The following ZNF827 variants were observed in gnomAD, a reference collection of about 807,000 sequenced individuals.
ZNF827 encodes the protein zinc finger protein 827.
ZNF827 carries 13 observed loss-of-function variants against 102.4 expected under a neutral mutation model. The ratio of observed to expected loss-of-function variants is 0.13; its 90% confidence interval spans 0.08 to 0.20. The LOEUF (loss-of-function observed/expected upper bound fraction) is 0.20, where lower values mean the gene tolerates loss of function less well. Ranked by LOEUF, ZNF827 falls within the 10% of genes least tolerant of loss-of-function variation. ZNF827 has a pLI of 1.00. For missense variants in ZNF827, 1,103 were observed against 1,344.4 expected (o/e 0.82, Z 2.81); for synonymous variants, 523 against 536.2 (o/e 0.98, Z 0.34).
intron 8 of ZNF827, among the ~76,000 whole-genome samples, chr4:145,790,313 C>G (rs1001114281): frequency 2.0e-5 from 3 of 152,016 alleles, no homozygotes; most frequent in African/African-American, 7.2e-5. Flanking sequence ...TATATTAATA[C>G]TTACTGAATA....
At chr4:145,932,076 C>T (rs912712916) in intron 1 of ZNF827, among the ~76,000 whole-genome samples, 9 of 152,160 alleles carry the variant, frequency 5.9e-5, no homozygotes, top group African/African-American at 1.9e-4. Flanking sequence ...TATAAAGACA[C>T]AGCAAAAAGG....
chr4:145,876,074 G>A (rs1193121970), intron 4 of ZNF827, among the ~76,000 whole-genome samples: 1 of 152,200 alleles, frequency 6.6e-6, no homozygotes, highest in East Asian at 1.9e-4. Flanking sequence ...TAGGAGAGCT[G>A]CAGTTGTAGT....
intron 1 of ZNF827, among the ~76,000 whole-genome samples, chr4:145,936,873 G>C (rs1228395407): frequency 1.3e-5 from 2 of 152,026 alleles, no homozygotes; most frequent in Non-Finnish European, 2.9e-5. Context: ...TTGCAGGATC[G>C]GGCTCCGAGC....
intron 1 of ZNF827, among the ~76,000 whole-genome samples, chr4:145,922,097 C>T (rs1473704949): frequency 2.0e-5 from 3 of 152,154 alleles, no homozygotes; most frequent in Non-Finnish European, 2.9e-5. Context: ...GTTTAGGATT[C>T]CCCATCTTCA....
At chr4:145,899,245 G>A (rs1055032590) in intron 2 of ZNF827, among the ~76,000 whole-genome samples, 16 of 151,876 alleles carry the variant, frequency 1.1e-4, no homozygotes, top group Non-Finnish European at 1.9e-4. Context: ...ATAAATCGAA[G>A]GTACATCCCA....
At chr4:145,934,945 A>G (rs1324476178) in intron 1 of ZNF827, among the ~76,000 whole-genome samples, 1 of 152,228 alleles carries the variant, frequency 6.6e-6, no homozygotes, top group East Asian at 1.9e-4. Context: ...CACAGGTTCT[A>G]CAGATTCTTA....
At chr4:145,800,818 T>G (rs1232487382) in intron 8 of ZNF827, among the ~76,000 whole-genome samples, 1 of 152,188 alleles carries the variant, frequency 6.6e-6, no homozygotes, top group Non-Finnish European at 1.5e-5. Flanking sequence ...CACTGCCAAA[T>G]GTCCCCTTGG....
At chr4:145,851,462 G>C (rs1746526562) in intron 5 of ZNF827, among the ~76,000 whole-genome samples, 1 of 152,104 alleles carries the variant, frequency 6.6e-6, no homozygotes, top group African/African-American at 2.4e-5. Flanking sequence ...TGGAAAGCAT[G>C]ACATGGGTGA....
intron 8 of ZNF827, among the ~76,000 whole-genome samples, chr4:145,810,461 G>GA (rs1358302703): frequency 4.0e-5 from 6 of 151,714 alleles, no homozygotes; most frequent in Non-Finnish European, 8.8e-5. Flanking sequence ...GTAAATTGAT[G>GA]AAAAAAATAG....
At position 145,823,527 on chromosome 4, in the gene ZNF827, TGGGGTG is replaced by T; in HGVS notation, c.2280-8_2280-3del. On this transcript the variant is annotated splice_region_variant and splice_polypyrimidine_tract_variant and intron_variant, in intron 7 of 14. Transcript: ENST00000508784. ...AATGTGTCTTCTGAAAAGAAAGGGCTGGGGTGGGGGAGGGGGAGTGAAGTTTAGTAA... is the reference window on the plus strand; with the variant it reads ...AATGTGTCTTCTGAAAAGAAAGGGCTGGGGAGGGGGAGTGAAGTTTAGTAA... 6 of 1,465,988 alleles carry T rather than the reference TGGGGTG, an allele frequency of 4.1e-6. No individual in the cohort carries two copies. Among genetic ancestry groups the T allele is most frequent in the Non-Finnish European group, 5.6e-6 (6 of 1,074,868 alleles). 90.8% of individuals were successfully genotyped at this position (1,465,988 alleles called of 1,614,324 possible).
intron 6 of ZNF827, among the ~76,000 whole-genome samples, chr4:145,846,515 C>CA (rs1252963788): frequency 2.1e-5 from 3 of 140,686 alleles, no homozygotes; most frequent in Non-Finnish European, 4.5e-5. Context: ...ACAACAACAA[C>CA]AAAAAACAAC....
chr4:145,849,510 T>G lies in ZNF827; in HGVS notation c.2033A>C (p.Glu678Ala), dbSNP rs779702817. 2.5e-6 allele frequency: 4 copies of G among 1,614,184 alleles called. No individual in the cohort carries two copies. Among genetic ancestry groups the G allele is most frequent in the Non-Finnish European group, 3.4e-6 (4 of 1,180,032 alleles). Residue 678 changes from glutamate (E) to alanine (A), a missense_variant, in exon 6 of 15, where the codon GAG (glutamate) becomes GCG (alanine). Glu to Ala is a moderately radical substitution (Grantham distance 107). This residue lies in a region of ZNF827 where 243 missense variants were observed against 251.6 expected (regional missense o/e 0.97). Transcript: ENST00000508784. ...GACATGGGAGTCCTGGATGTCAACCTCCATGGGTTCCTCTTTAATCTTCAC... is the reference window on the plus strand; with the variant it reads ...GACATGGGAGTCCTGGATGTCAACCGCCATGGGTTCCTCTTTAATCTTCAC... ...QMVKIKEEPM[E>A]VDIQDSHVSI...
intron 8 of ZNF827, among the ~76,000 whole-genome samples, chr4:145,810,862 T>C (rs182823703): frequency 1.6e-4 from 25 of 152,354 alleles, no homozygotes; most frequent in Middle Eastern, 6.8e-3. Context: ...AAGTGTATTT[T>C]TGTCCATATC....
In ZNF827 at chr4:145,819,282, C is replaced by A. The variant is rs1196842003; in HGVS notation, c.2383+4140G>T. Among the ~76,000 whole-genome samples the A allele has an allele frequency of 2.0e-5, 3 of 152,234 alleles. No individual in the cohort carries two copies. In the East Asian group the frequency reaches 5.8e-4, roughly 29 times the overall value. On this transcript the variant is annotated intron_variant, in intron 8 of 14. Coordinates refer to ENST00000508784, the MANE Select transcript of ZNF827 (RefSeq NM_001306215.2). Reference sequence around the variant, plus strand: ...ACGGAGACCCACATTTTCCTTCACACCCGCCCTGGTTGTGTTTTTGTTTTT... The same window carrying A: ...ACGGAGACCCACATTTTCCTTCACAACCGCCCTGGTTGTGTTTTTGTTTTT...
At chr4:145,838,318 G>A (rs568270780) in intron 7 of ZNF827, among the ~76,000 whole-genome samples, 24 of 151,964 alleles carry the variant, frequency 1.6e-4, no homozygotes, top group Admixed American at 1.5e-3. Flanking sequence ...ACTCCTGCCC[G>A]CCAGAGAACA....
chr4:145,884,873 G>T (rs1270225482), intron 4 of ZNF827, among the ~76,000 whole-genome samples: 1 of 151,974 alleles, frequency 6.6e-6, no homozygotes, highest in Non-Finnish European at 1.5e-5. Context: ...TTTTAAAAAT[G>T]TGTTTTTAAA....
At chr4:145,860,233 T>TG (rs1747565466) in intron 5 of ZNF827, among the ~76,000 whole-genome samples, 1 of 152,208 alleles carries the variant, frequency 6.6e-6, no homozygotes, top group East Asian at 1.9e-4. Context: ...TTCTTCTCAG[T>TG]AATCCTTGGT....
At chr4:145,789,580 T>C (rs1739384746) in intron 8 of ZNF827, among the ~76,000 whole-genome samples, 1 of 152,190 alleles carries the variant, frequency 6.6e-6, no homozygotes, top group Non-Finnish European at 1.5e-5. Flanking sequence ...GCAAAAACAG[T>C]ATCAGGCTCA....
Position 145,903,286 on chromosome 4 carries a change from G to A in ZNF827, c.44-71C>T, listed in dbSNP as rs1371500449. The A allele has an allele frequency of 5.3e-6, 8 of 1,511,746 alleles. No homozygotes were observed. In the Middle Eastern group the frequency reaches 6.4e-4, roughly 121 times the overall value. The allele number at this position is 1,511,746 out of a possible 1,614,324, so 93.6% of individuals were successfully genotyped here. A position where few individuals can be genotyped will look rare whatever the true frequency, so the allele number is the denominator to read the frequency against. On this transcript the variant is annotated intron_variant, in intron 1 of 14. Transcript: ENST00000508784. ...AAGTAAGTCTCAAGACATTCAAATG[G>A]AGGTGATGACATGCTTTCTCTTCCC...
Sources: allele counts gnomAD v4.1 joint callset (sites outside exome capture counted in the v4.1 genomes callset), GRCh38; gene constraint gnomAD v4.1.1; regional missense constraint gnomAD v4.1.1; transcripts MANE v1.5; gene names NCBI Gene and HGNC (gene_info 2026-07-23, HGNC 2026-07-21).